The following COL5A3 variants were observed in gnomAD, a reference collection of about 807,000 sequenced individuals.
COL5A3 encodes collagen type V alpha 3 chain, also known as collagen alpha-3(V) chain.
A neutral mutation model predicts 250.0 loss-of-function variants in COL5A3; 172 were observed. The ratio of observed to expected loss-of-function variants is 0.69; its 90% CI spans 0.61 to 0.78. The LOEUF (loss-of-function observed/expected upper bound fraction) is 0.78. COL5A3 is among the 30% of genes least tolerant of loss of function. COL5A3 has a pLI of 0.00. For missense variants in COL5A3, 2,340 were observed against 2,334.4 expected, an observed-to-expected ratio of 1.00 and a Z score of -0.05; for synonymous variants, 937 against 900.4, an observed-to-expected ratio of 1.04 and a Z score of -0.73.
At chr19:10,006,262 CA>C in intron 1 of COL5A3, 31 bp from the exon 2 acceptor site, 1 of 1,564,568 alleles carries the variant, frequency 6.4e-7, no homozygotes, top group South Asian at 1.2e-5. Context: ...GGGTGTCAGG[CA>C]GAGGTGGGGA....
intron 19 of COL5A3, 55 bp from the exon 20 acceptor site, chr19:9,993,122 C>T: frequency 6.3e-7 from 1 of 1,579,596 alleles, no homozygotes; most frequent in Non-Finnish European, 8.7e-7. Flanking sequence ...CGGAGAGCCA[C>T]CTCCCCTCAT....
Position 9,966,344 on chromosome 19 carries a change from G to C in COL5A3, c.4752C>G (p.Thr1584=). The C allele has an allele frequency of 6.2e-7, 1 of 1,606,686 alleles. No individual in the cohort carries two copies. The highest frequency in any genetic ancestry group is 8.5e-7 in the Non-Finnish European group (1 of 1,176,114). ...CAAACTTCTTGTCGGGATAGAGGCA[G>C]GTCTCTCCTCCCGCCGTGAAGTTGC... ...VFCNFTAGGE[T]CLYPDKKFEI... The change falls in exon 64 of 67, where the codon ACC becomes ACG. Residue 1584 remains threonine, a synonymous_variant. Transcript: ENST00000264828.
Position 9,966,646 on chromosome 19 carries a change from A to G in COL5A3, c.4559T>C (p.Leu1520Pro). ...CTCCAGCTCCAAGCTCAGCGATGTG[A>G]GCGAGGCCAGCACCTCCTCCAGGCC... ...EGGLEEVLAS[L>P]TSLSLELEQL... Residue 1520 changes from leucine to proline, a missense_variant, in exon 63 of 67, where the codon CTC (leucine) becomes CCC (proline). By Grantham distance (98) the Leu-to-Pro change is moderately conservative. Coordinates refer to ENST00000264828, the MANE Select transcript of COL5A3 (RefSeq NM_015719.4). 1 of 1,538,202 alleles carries G rather than the reference A, an allele frequency of 6.5e-7. No individual in the cohort carries two copies. Among genetic ancestry groups the G allele is most frequent in the Non-Finnish European group, 8.7e-7 (1 of 1,147,124 alleles).
At chr19:9,996,816 T>G in intron 11 of COL5A3, 127 bp from the exon 12 acceptor site, 1 of 660,466 alleles carries the variant, frequency 1.5e-6, no homozygotes, top group Non-Finnish European at 2.5e-6. Context: ...AGACACAGAA[T>G]CAAAGAGGGA....
chr19:10,006,766 C>T (rs2087450275), intron 1 of COL5A3, among the ~76,000 whole-genome samples: 2 of 148,600 alleles, frequency 1.3e-5, no homozygotes, highest in Non-Finnish European at 3.0e-5. Context: ...GACCATCTGC[C>T]TCTGACCATG....
chr19:10,010,386 C>A lies in COL5A3; in HGVS notation c.-1G>T. The A allele has an allele frequency of 7.0e-7, 1 of 1,433,770 alleles. No individual in the cohort carries two copies. Among genetic ancestry groups the A allele is most frequent in the Non-Finnish European group, 9.2e-7 (1 of 1,088,394 alleles). 88.8% of individuals were successfully genotyped at this position (1,433,770 alleles called of 1,614,324 possible). A position where few individuals can be genotyped will look rare whatever the true frequency, so the allele number is the denominator to read the frequency against. On this transcript the variant is annotated 5_prime_UTR_variant, in exon 1 of 67. Coordinates refer to ENST00000264828, the MANE Select transcript of COL5A3 (RefSeq NM_015719.4). ...GGCCCAGGTCCCGGCGGTTCCCCATCCCGGCGGGGCCCACGGGCAAGGCGG... is the reference window on the plus strand; with the variant it reads ...GGCCCAGGTCCCGGCGGTTCCCCATACCGGCGGGGCCCACGGGCAAGGCGG...
At position 10,010,500 on chromosome 19, in the gene COL5A3, A is replaced by G; in HGVS notation, c.-115T>C. 2 of 631,566 alleles carry G rather than the reference A, an allele frequency of 3.2e-6. No homozygotes were observed. The highest frequency in any genetic ancestry group is 4.7e-6 in the Non-Finnish European group (2 of 425,608). 39.1% of individuals were successfully genotyped at this position (631,566 alleles called of 1,614,324 possible). ...GGCCGCTCCTCTCAGGGTCCGCGGGAAACTGCCCGAGACCCCGCCCTGGCC... is the reference window on the plus strand; with the variant it reads ...GGCCGCTCCTCTCAGGGTCCGCGGGGAACTGCCCGAGACCCCGCCCTGGCC... On this transcript the variant is annotated 5_prime_UTR_variant, in exon 1 of 67. Transcript: ENST00000264828.
intron 24 of COL5A3, among the ~76,000 whole-genome samples, chr19:9,991,250 A>C (rs1158877510): frequency 6.6e-6 from 1 of 152,102 alleles, no homozygotes; most frequent in Non-Finnish European, 1.5e-5. Context: ...CACACCCCCC[A>C]AAAAAAGATA....
At chr19:9,971,144 G>T in intron 52 of COL5A3, 61 bp downstream of exon 52, 1 of 1,423,690 alleles carries the variant, frequency 7.0e-7, no homozygotes, top group Non-Finnish European at 9.5e-7. Flanking sequence ...GGTCTGTGGG[G>T]GTAGGGAGAT....
intron 45 of COL5A3, 88 bp from the exon 46 acceptor site, chr19:9,974,496 G>T (rs879492902): frequency 1.7e-4 from 168 of 988,684 alleles, no homozygotes; most frequent in Admixed American, 6.3e-4. Context: ...GAGGTTAAGG[G>T]TTGGAGTCAG....
intron 1 of COL5A3, among the ~76,000 whole-genome samples, chr19:10,006,914 TCTGA>T (rs1285064860): frequency 2.6e-5 from 4 of 151,968 alleles, no homozygotes; most frequent in Non-Finnish European, 5.9e-5. Flanking sequence ...ACCTCTTCCC[TCTGA>T]CTTTCACCTC....
Position 9,993,069 on chromosome 19 carries a change from T to C in COL5A3, c.1750-2A>G. 6.2e-7 allele frequency: 1 copy of C among 1,613,850 alleles called. No individual in the cohort carries two copies. The highest frequency in any genetic ancestry group is 1.1e-5 in the South Asian group (1 of 91,062). ...GGGCCCTGGAGGTCCCTCTGCTCCC[T>C]GTGGAAAAGCGTCATTACTTGGGAA... is the stretch of plus-strand genomic sequence containing the variant. On this transcript the variant is annotated splice_acceptor_variant, in intron 19 of 66. Coordinates refer to ENST00000264828, the MANE Select transcript of COL5A3 (RefSeq NM_015719.4). LOFTEE classifies it high-confidence loss of function.
intron 61 of COL5A3, 152 bp downstream of exon 61, chr19:9,967,752 G>A (rs545236015): frequency 1.4e-6 from 1 of 731,278 alleles, no homozygotes; most frequent in South Asian, 2.3e-5. Flanking sequence ...TGGATCTGAT[G>A]AAATACAACC....
chr19:9,969,210 T>C lies in COL5A3; in HGVS notation c.4152+139A>G, dbSNP rs1599531009. ...CATCAGGGTGGAAGGTCAGAGCAGA[T>C]GGTTAGTAGAGACAGGCAGTATGGA... On this transcript the variant is annotated intron_variant, in intron 57 of 66. Coordinates refer to ENST00000264828, the MANE Select transcript of COL5A3 (RefSeq NM_015719.4). 4 of 706,880 alleles carry C rather than the reference T, an allele frequency of 5.7e-6. No homozygotes were observed. In the East Asian group the frequency reaches 8.0e-5, roughly 14 times the overall value. The allele number at this position is 706,880 out of a possible 1,614,324, so 43.8% of individuals were successfully genotyped here. A position where few individuals can be genotyped will look rare whatever the true frequency, so the allele number is the denominator to read the frequency against.
Position 10,009,495 on chromosome 19 carries a change from G to T in COL5A3, c.88+803C>A, listed in dbSNP as rs577347857. Among the ~76,000 whole-genome samples the T allele has an allele frequency of 3.3e-5, 5 of 152,028 alleles. No individual in the cohort carries two copies. Among genetic ancestry groups the T allele is most frequent in the South Asian group, 4.2e-4 (2 of 4,814 alleles). ...AGGCTCCAGCAGCTGGGGTGGGGAGGGGGGGAGCAACTTCCACTCCTGCCC... is the reference window on the plus strand; with the variant it reads ...AGGCTCCAGCAGCTGGGGTGGGGAGTGGGGGAGCAACTTCCACTCCTGCCC... On this transcript the variant is annotated intron_variant, in intron 1 of 66. Coordinates refer to ENST00000264828, the MANE Select transcript of COL5A3 (RefSeq NM_015719.4). This position sits in a 1 kb window ranked among gnomAD's most constrained non-coding sequence, Gnocchi z 4.4.
At chr19:9,976,724 C>T in intron 44 of COL5A3, 113 bp from the exon 45 acceptor site, 2 of 776,698 alleles carry the variant, frequency 2.6e-6, no homozygotes, top group South Asian at 3.4e-5. Context: ...ACTTCCCCTA[C>T]CAGGCAGCAA....
chr19:9,985,695 T>A, intron 31 of COL5A3, 147 bp downstream of exon 31: 1 of 731,152 alleles, frequency 1.4e-6, no homozygotes, highest in Non-Finnish European at 2.4e-6. Context: ...CAAGAGCCAC[T>A]ATGCCTGGCC....
chr19:10,001,705 A>C (rs1212680726), intron 7 of COL5A3, 35 bp from the exon 8 acceptor site: 2 of 1,612,468 alleles, frequency 1.2e-6, no homozygotes, highest in Admixed American at 1.7e-5. Context: ...GTTTTCCCTG[A>C]CCTCCTTATT....
At position 10,009,205 on chromosome 19, in the gene COL5A3, T is replaced by C. The variant is rs914824204; in HGVS notation, c.88+1093A>G. Among the ~76,000 whole-genome samples the C allele has an allele frequency of 2.5e-5, 3 of 120,812 alleles. No homozygotes were observed. Among genetic ancestry groups the C allele is most frequent in the African/African-American group, 9.2e-5 (3 of 32,492 alleles). 79.3% of individuals were successfully genotyped at this position (120,812 alleles called of 152,430 possible). ...GTGTGTGTGTGTGTGTGTGTGTGTG[T>C]TGGGAGACTGAGCTCACCTTAGAAA... On this transcript the variant is annotated intron_variant, in intron 1 of 66. Transcript: ENST00000264828. The surrounding 1 kb of genome is among the most constrained non-coding windows in gnomAD (Gnocchi z 4.4).
Sources: allele counts gnomAD v4.1 joint callset (sites outside exome capture counted in the v4.1 genomes callset), GRCh38; gene constraint gnomAD v4.1.1; non-coding constraint Gnocchi (gnomAD v3.1); transcripts MANE v1.5; gene names NCBI Gene and HGNC (gene_info 2026-07-23, HGNC 2026-07-21).